THAP5: variants seen among roughly 807,000 people sequenced by gnomAD.
THAP5 encodes THAP domain containing 5, also known as THAP domain-containing protein 5.
Under a neutral mutation model 34.0 loss-of-function variants are expected in THAP5, and 26 were observed. The observed-to-expected ratio is 0.77, with a 90% confidence interval of 0.56 to 1.06. The LOEUF (loss-of-function observed/expected upper bound fraction) is 1.06, where lower values mean the gene tolerates loss of function less well. THAP5 is among the 50% of genes least tolerant of loss of function. The pLI is 0.00. For missense variants in THAP5, 394 were observed against 452.8 expected (o/e 0.87, Z 1.18); for synonymous variants, 125 against 153.0 (o/e 0.82, Z 1.35).
intron 1 of THAP5, among the ~76,000 whole-genome samples, chr7:108,567,556 C>A (rs1028056507): frequency 6.6e-6 from 1 of 151,938 alleles, no homozygotes; most frequent in African/African-American, 2.4e-5. Context: ...AAATCTTGAT[C>A]ATGTTTCCTG....
rs1790395195 is a variant in THAP5 at position 108,563,222 on chromosome 7, T to G, written c.*969A>C. On this transcript the variant is annotated 3_prime_UTR_variant, in exon 3 of 3. Coordinates refer to ENST00000415914, the MANE Select transcript of THAP5 (RefSeq NM_001130475.3). The stretch of plus-strand genomic sequence containing the variant: ...GCTAATGGGTGGTTCCTTAGTTTAG[T>G]TCAACTGGAATAAAATTATAAAAGT... The G allele has an allele frequency of 6.6e-6, 1 of 152,122 alleles. No homozygotes were observed. The allele number at this position is 152,122 out of a possible 1,614,324, so 9.4% of individuals were successfully genotyped here. A position where few individuals can be genotyped will look rare whatever the true frequency, so the allele number is the denominator to read the frequency against.
At chr7:108,558,037 T>A (rs1476637364), downstream of THAP5, among the ~76,000 whole-genome samples, 1 of 151,960 alleles carries the variant, frequency 6.6e-6, no homozygotes, top group Non-Finnish European at 1.5e-5. Context: ...AAGCAGCAAG[T>A]GCTACACATT....
chr7:108,549,310 C>T, the THAP5 span, among the ~76,000 whole-genome samples: 3 of 152,020 alleles, frequency 2.0e-5, no homozygotes, highest in Non-Finnish European at 2.9e-5. Flanking sequence ...TTAGTAGAGA[C>T]GGGGTTTCAC....
chr7:108,561,810 T>C (rs1011970116), downstream of THAP5, among the ~76,000 whole-genome samples: 5 of 152,120 alleles, frequency 3.3e-5, no homozygotes, highest in African/African-American at 1.2e-4. Context: ...TCTTCTGATG[T>C]AGGAAGAGAA....
chr7:108,565,233 A>G (rs1231041591), intron 2 of THAP5, 128 bp from the exon 3 acceptor site: 6 of 697,910 alleles, frequency 8.6e-6, no homozygotes, highest in African/African-American at 1.8e-5. Context: ...AAAAGCTCAG[A>G]GTATATATAC....
intron 1 of THAP5, chr7:108,568,163 A>T (rs1157397490): frequency 6.6e-6 from 1 of 152,224 alleles, no homozygotes; most frequent in Non-Finnish European, 1.5e-5. Flanking sequence ...AAGGGAGACA[A>T]TCCTGGAAAT....
At chr7:108,567,900 T>C (rs1460432137) in intron 1 of THAP5, among the ~76,000 whole-genome samples, 1 of 152,252 alleles carries the variant, frequency 6.6e-6, no homozygotes. Context: ...CATTATTTTT[T>C]CCTTCCTAAA....
At chr7:108,556,726 T>C (rs963805222) in intron 1 of THAP5, among the ~76,000 whole-genome samples, 1 of 152,180 alleles carries the variant, frequency 6.6e-6, no homozygotes, top group Admixed American at 6.5e-5. Context: ...GGGGAAGCTG[T>C]CAGTGTATCT....
In THAP5 at chr7:108,564,635, C is replaced by T. The variant is rs779236377; in HGVS notation, c.744G>A (p.Gln248=). 1.1e-5 allele frequency: 18 copies of T among 1,613,790 alleles called. No homozygotes were observed. The Admixed American group carries it at 3.0e-4, about 27-fold the overall frequency. The change falls in exon 3 of 3, where the codon CAG becomes CAA. Residue 248 remains glutamine, a synonymous_variant. Transcript: ENST00000415914. The stretch of plus-strand genomic sequence containing the variant: ...TTGTGCTGAATAAGAATGGATTTTC[C>T]TGTGCTGACTTTATTTCCATGGAAT... ...TSNSMEIKSA[Q]ENPFLFSTIN... is the part of the protein sequence containing the mutation.
chr7:108,560,107 C>T (rs2154517968), downstream of THAP5, among the ~76,000 whole-genome samples: 1 of 152,244 alleles, frequency 6.6e-6, no homozygotes, highest in South Asian at 2.1e-4. Context: ...AACCTACTCT[C>T]TTATAAGATT....
chr7:108,544,777 C>G, the THAP5 span, among the ~76,000 whole-genome samples: 1 of 152,016 alleles, frequency 6.6e-6, no homozygotes, highest in Admixed American at 6.6e-5. Flanking sequence ...CCTGCCTCAG[C>G]CTCCTGAATA....
chr7:108,557,264 T>C (rs1399137058), downstream of THAP5, among the ~76,000 whole-genome samples: 1 of 152,236 alleles, frequency 6.6e-6, no homozygotes, highest in African/African-American at 2.4e-5. Flanking sequence ...CGTATGCAGA[T>C]TTCTGCAGCC....
At position 108,564,022 on chromosome 7, in the gene THAP5, G is replaced by A. The variant is rs909102344; in HGVS notation, c.*169C>T. 2 of 526,356 alleles carry A rather than the reference G, an allele frequency of 3.8e-6. No individual in the cohort carries two copies. Among genetic ancestry groups the A allele is most frequent in the Admixed American group, 3.8e-5 (1 of 26,496 alleles). 32.6% of individuals were successfully genotyped at this position (526,356 alleles called of 1,614,324 possible). On this transcript the variant is annotated 3_prime_UTR_variant, in exon 3 of 3. Coordinates refer to ENST00000415914, the MANE Select transcript of THAP5 (RefSeq NM_001130475.3). ...CTTTTCTCTCCAGCCCAACTCTCTGGTTTTTCTTAAATAAGTATTACAAGA... is the reference window on the plus strand; with the variant it reads ...CTTTTCTCTCCAGCCCAACTCTCTGATTTTTCTTAAATAAGTATTACAAGA...
At chr7:108,569,389 G>A (rs1564012968) in intron 1 of THAP5, 101 bp downstream of exon 1, 2 of 1,538,358 alleles carry the variant, frequency 1.3e-6, no homozygotes, top group East Asian at 2.4e-5. Context: ...ACGGAGAGCT[G>A]AGGACTCACT....
chr7:108,554,235 C>G (rs954878787), downstream of THAP5, among the ~76,000 whole-genome samples: 6 of 152,190 alleles, frequency 3.9e-5, no homozygotes, highest in Non-Finnish European at 8.8e-5. Context: ...TATTTTGTTA[C>G]AGCAGCATAA....
downstream of THAP5, among the ~76,000 whole-genome samples, chr7:108,549,551 C>A (rs1475038431): frequency 6.6e-6 from 1 of 152,232 alleles, no homozygotes; most frequent in African/African-American, 2.4e-5. Context: ...TGAGCATACA[C>A]ACACACCCTT....
downstream of THAP5, among the ~76,000 whole-genome samples, chr7:108,560,690 C>G (rs577734661): frequency 7.9e-5 from 12 of 152,290 alleles, no homozygotes; most frequent in Middle Eastern, 3.4e-3. Flanking sequence ...CATGAGGGAG[C>G]CTCTTTTCCA....
downstream of THAP5, among the ~76,000 whole-genome samples, chr7:108,552,143 A>G (rs1864357360): frequency 6.6e-6 from 1 of 152,182 alleles, no homozygotes; most frequent in South Asian, 2.1e-4. Context: ...GCCCAGCTAG[A>G]GACCCTCTGT....
At chr7:108,543,942 G>A in the THAP5 span, among the ~76,000 whole-genome samples, 2 of 151,824 alleles carry the variant, frequency 1.3e-5, no homozygotes, top group Non-Finnish European at 2.9e-5. Flanking sequence ...TATAATGGGG[G>A]GTAGGCTGGG....
Sources: allele counts gnomAD v4.1 joint callset (sites outside exome capture counted in the v4.1 genomes callset), GRCh38; gene constraint gnomAD v4.1.1; transcripts MANE v1.5; gene names NCBI Gene and HGNC (gene_info 2026-07-23, HGNC 2026-07-21).